The following GALNT13 variants were observed in gnomAD, a reference collection of about 807,000 sequenced individuals.
GALNT13 encodes the protein UDP-GalNAc:polypeptide N-acetylgalactosaminyltransferase 13.
In GALNT13, 28 loss-of-function variants were observed where a neutral mutation model predicts 64.2. The observed-to-expected ratio is 0.44, with a 90% CI of 0.32 to 0.60. The LOEUF is 0.60. Ranked by LOEUF, GALNT13 falls within the 20% of genes least tolerant of loss-of-function variation. GALNT13 has a pLI of 0.05. For synonymous variants in GALNT13, 214 were observed against 224.6 expected (o/e 0.95, Z 0.42); for missense variants, 577 against 669.8 (o/e 0.86, Z 1.53).
chr2:153,233,414 G>T, the GALNT13 span, among the ~76,000 whole-genome samples: 1 of 151,846 alleles, frequency 6.6e-6, no homozygotes, highest in Admixed American at 6.6e-5. Context: ...CTAGAGGATA[G>T]TTCACAGGCT....
the GALNT13 span, among the ~76,000 whole-genome samples, chr2:153,241,437 G>A: frequency 2.0e-5 from 3 of 152,200 alleles, no homozygotes; most frequent in Admixed American, 1.3e-4. Context: ...GCTTTGGGCA[G>A]TATCTTGCAA....
At chr2:153,333,529 A>G in the GALNT13 span, among the ~76,000 whole-genome samples, 1 of 152,114 alleles carries the variant, frequency 6.6e-6, no homozygotes, top group Non-Finnish European at 1.5e-5. Context: ...CTATCTTGCT[A>G]TTTCCAAGTG....
chr2:154,146,949 A>G (rs908919136), intron 4 of GALNT13, among the ~76,000 whole-genome samples: 2 of 152,082 alleles, frequency 1.3e-5, no homozygotes, highest in Non-Finnish European at 2.9e-5. Flanking sequence ...GTCTCCGTTC[A>G]TGTGAAAATC....
the GALNT13 span, among the ~76,000 whole-genome samples, chr2:153,088,263 T>C: frequency 2.0e-5 from 3 of 152,138 alleles, no homozygotes; most frequent in Non-Finnish European, 2.9e-5. Context: ...TTTATGTATA[T>C]GTATAGTTTT....
the GALNT13 span, among the ~76,000 whole-genome samples, chr2:153,688,946 C>T: frequency 4.0e-5 from 6 of 148,832 alleles, no homozygotes; most frequent in Non-Finnish European, 7.4e-5. Context: ...GTTCCTGTTG[C>T]GTATATACCG....
chr2:153,690,158 T>C, the GALNT13 span, among the ~76,000 whole-genome samples: 1 of 152,140 alleles, frequency 6.6e-6, no homozygotes, highest in Non-Finnish European at 1.5e-5. Context: ...ATAGATTTCA[T>C]CTCTTTGAAA....
At chr2:154,225,753 T>G (rs1201945220) in intron 4 of GALNT13, among the ~76,000 whole-genome samples, 1 of 152,116 alleles carries the variant, frequency 6.6e-6, no homozygotes, top group African/African-American at 2.4e-5. Context: ...TTGTCCATTT[T>G]TATGCTTAGA....
At chr2:153,137,548 T>C in the GALNT13 span, among the ~76,000 whole-genome samples, 1 of 151,948 alleles carries the variant, frequency 6.6e-6, no homozygotes, top group African/African-American at 2.4e-5. Context: ...TTCAATTGGG[T>C]TTGGGATCCA....
At chr2:154,285,002 G>T (rs536245012) in intron 8 of GALNT13, among the ~76,000 whole-genome samples, 2 of 151,972 alleles carry the variant, frequency 1.3e-5, no homozygotes, top group Non-Finnish European at 2.9e-5. Flanking sequence ...TTTTTTCATA[G>T]ATGTTAGTGA....
chr2:154,138,332 A>G (rs1683064205), intron 3 of GALNT13, among the ~76,000 whole-genome samples: 1 of 152,072 alleles, frequency 6.6e-6, no homozygotes. Context: ...TTTAATTCTT[A>G]TATCACCACA....
chr2:153,798,797 A>G, the GALNT13 span, among the ~76,000 whole-genome samples: 49 of 152,272 alleles, frequency 3.2e-4, no homozygotes, highest in Non-Finnish European at 6.5e-4. Flanking sequence ...TTTCCATGTT[A>G]TGGTTAATTA....
At chr2:154,149,900 C>T (rs1046470081) in intron 4 of GALNT13, among the ~76,000 whole-genome samples, 6 of 152,092 alleles carry the variant, frequency 3.9e-5, no homozygotes, top group African/African-American at 1.2e-4. Flanking sequence ...TCCTCTTTTC[C>T]TAATTGAATA....
the GALNT13 span, among the ~76,000 whole-genome samples, chr2:153,475,089 G>T: frequency 3.9e-5 from 6 of 152,236 alleles, no homozygotes; most frequent in Non-Finnish European, 7.3e-5. Flanking sequence ...AAGGCAGAGT[G>T]AAAGAGGGAG....
chr2:153,251,317 A>T, the GALNT13 span, among the ~76,000 whole-genome samples: 1 of 152,184 alleles, frequency 6.6e-6, no homozygotes, highest in African/African-American at 2.4e-5. Context: ...CTACAGAGGT[A>T]ATTAATTTCC....
chr2:153,686,957 A>G, the GALNT13 span, among the ~76,000 whole-genome samples: 1 of 152,090 alleles, frequency 6.6e-6, no homozygotes. Context: ...TGATTTGCAT[A>G]TGTTAAGCCA....
rs761334391 is a variant in GALNT13, at chr2:154,140,424, T to C, written c.230T>C (p.Leu77Pro). 2 of 1,612,516 alleles carry C rather than the reference T, an allele frequency of 1.2e-6. No individual in the cohort carries two copies. Among genetic ancestry groups the C allele is most frequent in the Non-Finnish European group, 1.7e-6 (2 of 1,178,732 alleles). ...PKDDQEKMKELFKINQFNLMA... is the reference protein window; with the variant it reads ...PKDDQEKMKEPFKINQFNLMA... ...GATGACCAGGAGAAAATGAAAGAGCTGTTTAAAATCAATCAGTTTAACCTT... is the reference window on the plus strand; with the variant it reads ...GATGACCAGGAGAAAATGAAAGAGCCGTTTAAAATCAATCAGTTTAACCTT... Residue 77 changes from leucine (L) to proline (P), a missense_variant, in exon 4 of 13, where the codon CTG (leucine) becomes CCG (proline). Transcript: ENST00000392825.
At chr2:153,069,515 T>G in the GALNT13 span, among the ~76,000 whole-genome samples, 1 of 152,136 alleles carries the variant, frequency 6.6e-6, no homozygotes, top group Non-Finnish European at 1.5e-5. Context: ...TTCATCTCAA[T>G]CGCCTTTGAT....
the GALNT13 span, among the ~76,000 whole-genome samples, chr2:153,483,571 C>A: frequency 6.6e-6 from 1 of 151,890 alleles, no homozygotes; most frequent in Non-Finnish European, 1.5e-5. Context: ...TATGAGGCAC[C>A]ATGCCCAGCT....
the GALNT13 span, among the ~76,000 whole-genome samples, chr2:153,171,585 A>G: frequency 6.6e-6 from 1 of 152,318 alleles, no homozygotes; most frequent in Non-Finnish European, 1.5e-5. Context: ...GTTTACCAAC[A>G]ATCCTTCCCA....
Sources: gnomAD v4.1 joint callset for allele counts (sites outside exome capture counted in the v4.1 genomes callset) on GRCh38, gnomAD v4.1.1 for gene constraint, MANE v1.5 for transcripts, NCBI Gene and HGNC (gene_info 2026-07-23, HGNC 2026-07-21) for gene names.